The following PDE1C variants were observed in gnomAD, a reference collection of about 807,000 sequenced individuals.
PDE1C encodes dual specificity calcium/calmodulin-dependent 3',5'-cyclic nucleotide phosphodiesterase 1C.
In PDE1C, 62 loss-of-function variants were observed where a neutral mutation model predicts 93.1. The ratio of observed to expected loss-of-function variants is 0.67; its 90% CI spans 0.54 to 0.82. PDE1C has a LOEUF of 0.82. Among genes scored for constraint, PDE1C ranks in the 40% least tolerant of loss-of-function variants. PDE1C has a pLI of 0.00. For synonymous variants in PDE1C, 325 were observed against 310.1 expected, an observed-to-expected ratio of 1.05 and a Z score of -0.50; for missense variants, 742 against 884.6, an observed-to-expected ratio of 0.84 and a Z score of 2.04.
In PDE1C at chr7:32,279,981, C is replaced by T. The variant is rs563277324; in HGVS notation, c.85+18670G>A. On this transcript the variant is annotated intron_variant, in intron 1 of 18. Coordinates refer to the PDE1C transcript ENST00000396193. ...TTTGTAAGTGGGAAAAAAATGTAGA[C>T]TATCACAACAGCATGCACAGAATGA... 8.6e-4 allele frequency among the ~76,000 whole-genome samples: 131 copies of T among 152,236 alleles called. 1 individual carries two copies. The highest frequency in any genetic ancestry group is 1.6e-3 in the Non-Finnish European group (106 of 68,012).
At chr7:32,098,190 A>G (rs2128748873) in intron 3 of PDE1C, among the ~76,000 whole-genome samples, 1 of 134,402 alleles carries the variant, frequency 7.4e-6, no homozygotes, top group East Asian at 2.2e-4. Context: ...AGATCGCGCC[A>G]CTGCACTCCA....
intron 2 of PDE1C, among the ~76,000 whole-genome samples, chr7:32,014,976 G>C (rs918425191): frequency 6.6e-6 from 1 of 151,992 alleles, no homozygotes; most frequent in Non-Finnish European, 1.5e-5. Context: ...TTGAATCATG[G>C]GGGCAGTTTC....
intron 2 of PDE1C, among the ~76,000 whole-genome samples, chr7:32,189,049 C>T (rs749866970): frequency 7.2e-5 from 11 of 152,160 alleles, no homozygotes; most frequent in Non-Finnish European, 1.5e-4. Context: ...TGTCCTTATC[C>T]AACTGATGTG....
At chr7:32,151,480 C>G (rs1008434540) in intron 3 of PDE1C, among the ~76,000 whole-genome samples, 4 of 152,148 alleles carry the variant, frequency 2.6e-5, no homozygotes, top group African/African-American at 9.7e-5. Flanking sequence ...ATTACAGAAA[C>G]TGGCAAATGC....
the PDE1C span, among the ~76,000 whole-genome samples, chr7:31,663,011 C>T: frequency 2.0e-5 from 3 of 152,208 alleles, no homozygotes; most frequent in Non-Finnish European, 4.4e-5. Context: ...CCACCCCTAT[C>T]TGGCTTTATC....
At chr7:31,697,278 T>G in the PDE1C span, among the ~76,000 whole-genome samples, 2 of 152,170 alleles carry the variant, frequency 1.3e-5, no homozygotes, top group Non-Finnish European at 2.9e-5. Flanking sequence ...CCTTTTAGGT[T>G]TATCTCTACT....
chr7:31,958,456 T>C (rs973662326), intron 2 of PDE1C, among the ~76,000 whole-genome samples: 3 of 152,244 alleles, frequency 2.0e-5, no homozygotes, highest in African/African-American at 7.2e-5. Flanking sequence ...ACAGACACTC[T>C]ATGACTAATT....
At chr7:31,707,294 CCTGAGACCA>C in the PDE1C span, 2 of 1,607,686 alleles carry the variant, frequency 1.2e-6, no homozygotes, top group Non-Finnish European at 1.7e-6. Context: ...AGATAGTTCC[CCTGAGACCA>C]CTTGTAAATA....
At chr7:31,923,032 A>G (rs2128962003) in intron 2 of PDE1C, among the ~76,000 whole-genome samples, 1 of 152,282 alleles carries the variant, frequency 6.6e-6, no homozygotes, top group Admixed American at 6.5e-5. Flanking sequence ...GGAAGCTAGG[A>G]CTAAACATAG....
chr7:32,306,115 C>T (rs1812994690), intron 1 of PDE1C, among the ~76,000 whole-genome samples: 1 of 152,152 alleles, frequency 6.6e-6, no homozygotes, highest in South Asian at 2.1e-4. Flanking sequence ...TGTCTGCCAC[C>T]ATGTAAGACG....
At chr7:31,866,720 G>A (rs1795342078) in intron 6 of PDE1C, among the ~76,000 whole-genome samples, 1 of 152,052 alleles carries the variant, frequency 6.6e-6, no homozygotes, top group Non-Finnish European at 1.5e-5. Flanking sequence ...AGAAGTAAGA[G>A]GAAACACCTA....
At chr7:32,099,649 G>A (rs1339521929) in intron 3 of PDE1C, among the ~76,000 whole-genome samples, 1 of 152,188 alleles carries the variant, frequency 6.6e-6, no homozygotes, top group Non-Finnish European at 1.5e-5. Context: ...TCCTTGGCAT[G>A]GCAAAGAAGG....
chr7:31,827,869 C>T (rs1370721561), intron 12 of PDE1C, among the ~76,000 whole-genome samples: 2 of 152,028 alleles, frequency 1.3e-5, no homozygotes, highest in African/African-American at 4.8e-5. Flanking sequence ...TTAAAAGATC[C>T]ATTCATGGAA....
At chr7:31,931,049 A>G (rs577344890) in intron 2 of PDE1C, among the ~76,000 whole-genome samples, 2 of 152,260 alleles carry the variant, frequency 1.3e-5, no homozygotes, top group South Asian at 4.1e-4. Context: ...CCTTCATGCT[A>G]AAAGCACTCA....
At position 32,217,016 on chromosome 7, in the gene PDE1C, A is replaced by G. The variant is rs1453536803; in HGVS notation, c.86-7477T>C. Among the ~76,000 whole-genome samples, 2 of 152,204 alleles carry G rather than the reference A, an allele frequency of 1.3e-5. 1 individual carries two copies. The highest frequency in any genetic ancestry group is 2.9e-5 in the Non-Finnish European group (2 of 68,024). On this transcript the variant is annotated intron_variant, in intron 1 of 18. Transcript: ENST00000396193. ...AGGCCAGGAGACTGTCAGGAGAGAG[A>G]GGCTCTTTGTTGAGGTGGGCAAAGA...
chr7:32,220,854 A>G (rs895988100), intron 1 of PDE1C, among the ~76,000 whole-genome samples: 2 of 152,068 alleles, frequency 1.3e-5, no homozygotes, highest in African/African-American at 4.8e-5. Context: ...CTCTGGTCCA[A>G]TTCCACATAT....
chr7:31,625,273 G>C, the PDE1C span, among the ~76,000 whole-genome samples: 1 of 95,804 alleles, frequency 1.0e-5, no homozygotes, highest in Non-Finnish European at 2.2e-5. Flanking sequence ...CCATTACTGG[G>C]TATATACCCA....
intron 17 of PDE1C, among the ~76,000 whole-genome samples, chr7:31,756,918 G>A (rs965119621): frequency 3.6e-4 from 55 of 152,316 alleles, no homozygotes; most frequent in African/African-American, 1.3e-3. Context: ...CAGGACACAC[G>A]GTGGATCTGC....
chr7:31,802,483 A>G (rs1786189081), intron 16 of PDE1C, among the ~76,000 whole-genome samples: 1 of 151,702 alleles, frequency 6.6e-6, no homozygotes, highest in Admixed American at 6.6e-5. Context: ...AAAATCGTAT[A>G]TATTTACCTA....
Sources: allele counts gnomAD v4.1 joint callset (sites outside exome capture counted in the v4.1 genomes callset), GRCh38; gene constraint gnomAD v4.1.1; transcripts MANE v1.5; gene names NCBI Gene and HGNC (gene_info 2026-07-23, HGNC 2026-07-21).